The following ODF2 variants were observed in gnomAD, a reference collection of about 807,000 sequenced individuals.
The protein encoded by ODF2 is outer dense fiber of sperm tails 2.
In ODF2, 47 loss-of-function variants were observed where a neutral mutation model predicts 110.2. The observed-to-expected ratio is 0.43, with a 90% CI of 0.34 to 0.54. The LOEUF (loss-of-function observed/expected upper bound fraction) is 0.54, where lower values mean the gene tolerates loss of function less well. Ranked by LOEUF, ODF2 falls within the 20% of genes least tolerant of loss-of-function variation. The pLI is 0.03. For synonymous variants in ODF2, 352 were observed against 397.7 expected (o/e 0.89, Z 1.37); for missense variants, 812 against 1,054.5 (o/e 0.77, Z 3.19).
Position 128,469,208 on chromosome 9 carries a change from C to T in ODF2, c.275C>T (p.Thr92Met), listed in dbSNP as rs370813692. ...AATCCACCTCATTGCCTGGAGATCA[C>T]GCCACCATCTTCAGAAAAGCTGGTC... The change falls in exon 5 of 21, where the codon ACG becomes ATG. Residue 92 changes from threonine to methionine, a missense_variant. Thr to Met is a moderately conservative substitution (Grantham distance 81, BLOSUM62 -1). This residue lies in a region of ODF2 where 121 missense variants were observed against 123.7 expected (regional missense o/e 0.98). Transcript: ENST00000604420. 2.6e-4 allele frequency: 416 copies of T among 1,613,988 alleles called. 1 individual carries two copies. Among genetic ancestry groups the T allele is most frequent in the Middle Eastern group, 5.0e-4 (3 of 6,034 alleles).
At chr9:128,482,568 T>C (rs1207648259) in intron 9 of ODF2, among the ~76,000 whole-genome samples, 1 of 152,192 alleles carries the variant, frequency 6.6e-6, no homozygotes, top group African/African-American at 2.4e-5. Flanking sequence ...GAGGATTTTT[T>C]TGGTGTGTTC....
At chr9:128,469,044 C>CCATCACA (rs1371316356) in intron 4 of ODF2, 139 bp from the exon 5 acceptor site, 1 of 682,356 alleles carries the variant, frequency 1.5e-6, no homozygotes, top group East Asian at 2.6e-5. Context: ...CACAAGGGTT[C>CCATCACA]AGAGTATGTT....
In ODF2 at chr9:128,457,197, G is replaced by A; in HGVS notation, c.-208-1G>A. 1 of 1,546,528 alleles carries A rather than the reference G, an allele frequency of 6.5e-7. No homozygotes were observed. The highest frequency in any genetic ancestry group is 8.7e-7 in the Non-Finnish European group (1 of 1,151,628). ...TCTACTATTTCCCCCTACTTTGGCA[G>A]GACAGTTGCTGTGCGACTTGGACAG... is the stretch of plus-strand genomic sequence containing the variant. On this transcript the variant is annotated splice_acceptor_variant, in intron 1 of 20. Transcript: ENST00000604420. LOFTEE classifies it low-confidence loss of function (5UTR_SPLICE).
intron 16 of ODF2, among the ~76,000 whole-genome samples, chr9:128,493,364 A>G (rs1414048271): frequency 1.3e-5 from 2 of 152,176 alleles, no homozygotes; most frequent in Non-Finnish European, 2.9e-5. Flanking sequence ...TAGCCTGGGC[A>G]ACAAGAGTAA....
intron 1 of ODF2, chr9:128,456,925 T>G: frequency 3.2e-6 from 4 of 1,251,934 alleles, no homozygotes; most frequent in Middle Eastern, 6.6e-4. Flanking sequence ...ACGCCCCTTC[T>G]CCTAGGAGAC....
At chr9:128,468,041 T>G (rs1172562015) in intron 4 of ODF2, among the ~76,000 whole-genome samples, 3 of 152,130 alleles carry the variant, frequency 2.0e-5, no homozygotes, top group Non-Finnish European at 2.9e-5. Context: ...TTGTATTTTT[T>G]TAATACAATA....
intron 3 of ODF2, among the ~76,000 whole-genome samples, chr9:128,459,886 C>T (rs984276669): frequency 7.9e-5 from 12 of 151,294 alleles, no homozygotes; most frequent in South Asian, 4.2e-4. Flanking sequence ...CCAGCCAAAT[C>T]CTAAAATCTT....
At position 128,485,700 on chromosome 9, in the gene ODF2, T is replaced by C. The variant is rs1843225755; in HGVS notation, c.1400+226T>C. On this transcript the variant is annotated intron_variant, in intron 13 of 20. Transcript: ENST00000604420. The surrounding 1 kb of genome is among the most constrained non-coding windows in gnomAD (Gnocchi z 5.0). ...GGGGTCCTACCCTACTGTCAGGCAC[T>C]GGCTAGGGGCCGGGTCTTTCTGGTC... is the stretch of plus-strand genomic sequence containing the variant. Among the ~76,000 whole-genome samples, 1 of 152,168 alleles carries C rather than the reference T, an allele frequency of 6.6e-6. No individual in the cohort carries two copies. Among genetic ancestry groups the C allele is most frequent in the African/African-American group, 2.4e-5 (1 of 41,428 alleles).
chr9:128,484,967 T>C (rs1167601108), intron 12 of ODF2, 81 bp downstream of exon 12: 1 of 1,381,210 alleles, frequency 7.2e-7, no homozygotes, highest in South Asian at 1.2e-5. Context: ...GCCAGATGGG[T>C]AGCGGGGAGG....
intron 18 of ODF2, among the ~76,000 whole-genome samples, chr9:128,497,126 C>T (rs1845680830): frequency 2.6e-5 from 4 of 151,856 alleles, no homozygotes; most frequent in Admixed American, 2.6e-4. Context: ...CTCAGTATAG[C>T]TTAGAACATG....
intron 8 of ODF2, among the ~76,000 whole-genome samples, chr9:128,475,067 G>C (rs984717009): frequency 4.0e-5 from 6 of 151,020 alleles, no homozygotes; most frequent in Non-Finnish European, 7.4e-5. Flanking sequence ...TTGGATTGAA[G>C]ATATTTGGAA....
intron 18 of ODF2, 94 bp from the exon 19 acceptor site, chr9:128,498,319 G>A: frequency 7.1e-7 from 1 of 1,401,368 alleles, no homozygotes. Flanking sequence ...GGCATGATGA[G>A]ATCCCCAGTC....
upstream of ODF2, chr9:128,455,430 A>G: frequency 2.7e-6 from 1 of 371,316 alleles, no homozygotes; most frequent in Non-Finnish European, 4.9e-6. Flanking sequence ...GGCGGGCGCC[A>G]GTAGTCCCAG....
At position 128,457,380 on chromosome 9, in the gene ODF2, C is replaced by T. The variant is rs374130597; in HGVS notation, c.-26C>T. The T allele has an allele frequency of 5.0e-6, 8 of 1,612,810 alleles. No homozygotes were observed. The African/African-American group carries it at 1.1e-4, about 22-fold the overall frequency. Reference sequence around the variant, plus strand: ...AGCAGAGCCTGCTGACCCAATTGCCCACCTTTGCGGCTTTGATGCCTAGCC... The same window carrying T: ...AGCAGAGCCTGCTGACCCAATTGCCTACCTTTGCGGCTTTGATGCCTAGCC... On this transcript the variant is annotated 5_prime_UTR_variant, in exon 2 of 21. Transcript: ENST00000604420.
Position 128,481,667 on chromosome 9 carries a change from C to T in ODF2, c.915+16C>T, listed in dbSNP as rs763845598. The T allele has an allele frequency of 1.2e-6, 2 of 1,607,932 alleles. No homozygotes were observed. The highest frequency in any genetic ancestry group is 2.2e-5 in the South Asian group (2 of 90,892). On this transcript the variant is annotated intron_variant, in intron 9 of 20. Coordinates refer to ENST00000604420, the Ensembl canonical transcript of ODF2. ...AGAGAAAGCGGTAACTAAGGCTGCC[C>T]TTGTCTACTCTAGTGGGTACAGGTG...
intron 18 of ODF2, 98 bp from the exon 19 acceptor site, chr9:128,498,315 A>G (rs1051538048): frequency 5.6e-5 from 79 of 1,398,856 alleles, no homozygotes; most frequent in Non-Finnish European, 7.4e-5. Flanking sequence ...TCTTGGCATG[A>G]TGAGATCCCC....
At chr9:128,492,672 A>C in intron 15 of ODF2, 29 bp from the exon 16 acceptor site, 1 of 1,600,258 alleles carries the variant, frequency 6.2e-7, no homozygotes, top group Non-Finnish European at 8.6e-7. Flanking sequence ...GCTCTACCTA[A>C]GATGAACCAC....
rs887415789 is a variant in ODF2, at chr9:128,459,445, A to C, written c.33-122A>C. The C allele has an allele frequency of 1.1e-5, 8 of 728,746 alleles. No individual in the cohort carries two copies. In the African/African-American group the frequency reaches 1.4e-4, roughly 13 times the overall value. 45.1% of individuals were successfully genotyped at this position (728,746 alleles called of 1,614,324 possible). A position where few individuals can be genotyped will look rare whatever the true frequency, so the allele number is the denominator to read the frequency against. ...CATCTCAGGGGAGTCAAGGAATTCCAGGCTGGTTTTCCTAGCCATGAACAT... is the reference window on the plus strand; with the variant it reads ...CATCTCAGGGGAGTCAAGGAATTCCCGGCTGGTTTTCCTAGCCATGAACAT... On this transcript the variant is annotated intron_variant, in intron 2 of 20. Transcript: ENST00000604420.
rs760670097 is a variant in ODF2, at chr9:128,482,834, C to G, written c.934C>G (p.Gln312Glu). 1.9e-6 allele frequency: 3 copies of G among 1,612,818 alleles called. No individual in the cohort carries two copies. In the African/African-American group the frequency reaches 4.0e-5, roughly 22 times the overall value. The change falls in exon 10 of 21, where the codon CAA (glutamine) becomes GAA (glutamate). Residue 312 changes from glutamine to glutamate, a missense_variant. Gln to Glu is a conservative substitution (Grantham distance 29). Transcript: ENST00000604420. ...CTCCCAGCGCCTGCTGTTACTGCTGCAAGACAAGGACAAGGAGGTGGAAGA... is the reference window on the plus strand; with the variant it reads ...CTCCCAGCGCCTGCTGTTACTGCTGGAAGACAAGGACAAGGAGGTGGAAGA...
Sources: allele counts gnomAD v4.1 joint callset (sites outside exome capture counted in the v4.1 genomes callset), GRCh38; gene constraint gnomAD v4.1.1; regional missense constraint gnomAD v4.1.1; non-coding constraint Gnocchi (gnomAD v3.1); transcripts MANE v1.5; gene names NCBI Gene and HGNC (gene_info 2026-07-23, HGNC 2026-07-21).